ZNF407: variants seen among roughly 807,000 people sequenced by gnomAD.
ZNF407 encodes the protein zinc finger protein 407.
Under a neutral mutation model 131.2 loss-of-function variants are expected in ZNF407, and 17 were observed. The observed-to-expected ratio is 0.13, with a 90% CI of 0.09 to 0.19. The LOEUF is 0.19. ZNF407 is among the 10% of genes least tolerant of loss of function. The probability of loss-of-function intolerance (pLI) is 1.00; values close to 1 mark genes in which losing one functional copy is unlikely to be tolerated. For synonymous variants in ZNF407, 1,156 were observed against 1,062.0 expected (o/e 1.09, Z -1.72); for missense variants, 2,681 against 2,830.6 (o/e 0.95, Z 1.20).
At chr18:74,612,105 G>A (rs895485625) in intron 1 of ZNF407, among the ~76,000 whole-genome samples, 3 of 152,110 alleles carry the variant, frequency 2.0e-5, no homozygotes, top group Non-Finnish European at 4.4e-5. Context: ...ATACGCAGCT[G>A]GAACATAATC....
At chr18:75,005,808 A>C (rs1972903300) in intron 8 of ZNF407, among the ~76,000 whole-genome samples, 2 of 146,010 alleles carry the variant, frequency 1.4e-5, no homozygotes, top group African/African-American at 5.1e-5. Context: ...TCAAATCCCC[A>C]CCCTCCTGGG....
intron 3 of ZNF407, among the ~76,000 whole-genome samples, chr18:74,744,482 T>G (rs1968621922): frequency 6.6e-6 from 1 of 152,184 alleles, no homozygotes; most frequent in African/African-American, 2.4e-5. Flanking sequence ...TTGGCAGAGA[T>G]ATCAATAGTT....
intron 6 of ZNF407, among the ~76,000 whole-genome samples, chr18:74,882,168 A>C (rs1185498750): frequency 1.3e-5 from 2 of 152,252 alleles, no homozygotes; most frequent in African/African-American, 4.8e-5. Context: ...AAAGTGTTAA[A>C]CATTTATCAA....
At chr18:74,875,009 C>T (rs1243794185) in intron 4 of ZNF407, among the ~76,000 whole-genome samples, 1 of 152,176 alleles carries the variant, frequency 6.6e-6, no homozygotes, top group African/African-American at 2.4e-5. Context: ...TCGTGATAGA[C>T]TTCCTGCAGG....
intron 4 of ZNF407, among the ~76,000 whole-genome samples, chr18:74,863,533 CT>C (rs1399303554): frequency 6.6e-6 from 1 of 151,866 alleles, no homozygotes; most frequent in Non-Finnish European, 1.5e-5. Flanking sequence ...TTGTCCTTAT[CT>C]TTTGGTTATT....
chr18:74,621,455 C>T (rs1983505534), intron 1 of ZNF407, among the ~76,000 whole-genome samples: 1 of 152,148 alleles, frequency 6.6e-6, no homozygotes, highest in Non-Finnish European at 1.5e-5. Context: ...AGGCTTACCT[C>T]AAGCTGGAGG....
At chr18:74,933,755 G>C (rs1292713311) in intron 8 of ZNF407, among the ~76,000 whole-genome samples, 1 of 152,098 alleles carries the variant, frequency 6.6e-6, no homozygotes, top group Non-Finnish European at 1.5e-5. Flanking sequence ...ATACTAAATG[G>C]CTTGACCTTC....
At chr18:74,734,385 T>C (rs563728980) in intron 3 of ZNF407, among the ~76,000 whole-genome samples, 3 of 152,206 alleles carry the variant, frequency 2.0e-5, no homozygotes, top group Non-Finnish European at 4.4e-5. Flanking sequence ...AAAACTTAGT[T>C]GTTTTAGGTA....
intron 4 of ZNF407, among the ~76,000 whole-genome samples, chr18:74,864,083 A>G (rs1970976682): frequency 6.6e-6 from 1 of 152,192 alleles, no homozygotes; most frequent in Non-Finnish European, 1.5e-5. Flanking sequence ...TGGGCAGGAA[A>G]TATGACTGAG....
intron 3 of ZNF407, among the ~76,000 whole-genome samples, chr18:74,716,932 C>G (rs998122072): frequency 6.6e-6 from 1 of 152,046 alleles, no homozygotes; most frequent in African/African-American, 2.4e-5. Flanking sequence ...CGTTCCAACT[C>G]GAACATTCAT....
intron 3 of ZNF407, among the ~76,000 whole-genome samples, chr18:74,688,186 T>G (rs1967139500): frequency 6.6e-6 from 1 of 152,232 alleles, no homozygotes; most frequent in South Asian, 2.1e-4. Flanking sequence ...ATTGTTTTCC[T>G]TAAAGGGTGA....
At chr18:74,700,627 C>T (rs1360102340) in intron 3 of ZNF407, among the ~76,000 whole-genome samples, 2 of 152,194 alleles carry the variant, frequency 1.3e-5, no homozygotes, top group Non-Finnish European at 2.9e-5. Flanking sequence ...TCAGCCTTAA[C>T]TTTATTCTAT....
intron 3 of ZNF407, among the ~76,000 whole-genome samples, chr18:74,704,365 G>A (rs1019141772): frequency 6.6e-6 from 1 of 152,176 alleles, no homozygotes; most frequent in Non-Finnish European, 1.5e-5. Flanking sequence ...AGGACGTGCT[G>A]TTAAACAGGA....
At chr18:74,735,016 T>TTA (rs886322116) in intron 3 of ZNF407, among the ~76,000 whole-genome samples, 3 of 152,212 alleles carry the variant, frequency 2.0e-5, no homozygotes, top group African/African-American at 7.2e-5. Context: ...TATTGACTAG[T>TTA]TACAGTGAAA....
chr18:74,957,865 G>A (rs750563167), intron 8 of ZNF407, among the ~76,000 whole-genome samples: 6 of 152,170 alleles, frequency 3.9e-5, no homozygotes, highest in Non-Finnish European at 7.3e-5. Context: ...AGCCCTCCAG[G>A]GTAAGAGTAC....
At chr18:74,680,413 A>AG (rs1966955264) in intron 3 of ZNF407, among the ~76,000 whole-genome samples, 2 of 151,464 alleles carry the variant, frequency 1.3e-5, no homozygotes, top group Admixed American at 1.3e-4. Flanking sequence ...AAAAAAAAAA[A>AG]AAATAGAACC....
intron 3 of ZNF407, among the ~76,000 whole-genome samples, chr18:74,767,389 T>C (rs1969259313): frequency 6.6e-6 from 1 of 152,152 alleles, no homozygotes. Context: ...GCACTGCATG[T>C]TTTTCATATA....
intron 7 of ZNF407, among the ~76,000 whole-genome samples, chr18:74,900,388 A>T (rs1475094062): frequency 1.3e-5 from 2 of 152,108 alleles, no homozygotes; most frequent in Non-Finnish European, 2.9e-5. Flanking sequence ...GTTTTGAGTC[A>T]AGAAAACAGA....
At chr18:74,693,230 T>G (rs526162) in intron 3 of ZNF407, among the ~76,000 whole-genome samples, 2 of 152,220 alleles carry the variant, frequency 1.3e-5, no homozygotes, top group Non-Finnish European at 2.9e-5. Flanking sequence ...TGCTTTATGA[T>G]CTCAGCTTTC....
Sources: gnomAD v4.1 joint callset for allele counts (sites outside exome capture counted in the v4.1 genomes callset) on GRCh38, gnomAD v4.1.1 for gene constraint, MANE v1.5 for transcripts, NCBI Gene and HGNC (gene_info 2026-07-23, HGNC 2026-07-21) for gene names.